The following CFAP20DC variants were observed in gnomAD, a reference collection of about 807,000 sequenced individuals.
The protein encoded by CFAP20DC is protein CFAP20DC.
CFAP20DC carries 84 observed loss-of-function variants against 101.7 expected under a neutral mutation model. That is an observed-to-expected ratio of 0.83 (90% CI 0.69 to 0.99). The LOEUF is 0.99. CFAP20DC is among the 50% of genes least tolerant of loss of function. The probability of loss-of-function intolerance (pLI) is 0.00; values close to 1 mark genes in which losing one functional copy is unlikely to be tolerated. For synonymous variants in CFAP20DC, 359 were observed against 351.2 expected (o/e 1.02, Z -0.25); for missense variants, 1,007 against 970.3 (o/e 1.04, Z -0.50).
chr3:59,048,434 G>T (rs1399418737), intron 1 of CFAP20DC, among the ~76,000 whole-genome samples: 1 of 152,166 alleles, frequency 6.6e-6, no homozygotes, highest in Non-Finnish European at 1.5e-5. Context: ...ATTTCACTAT[G>T]AATTTAAATT....
At chr3:58,890,883 C>A (rs1372638688) in intron 6 of CFAP20DC, among the ~76,000 whole-genome samples, 4 of 148,152 alleles carry the variant, frequency 2.7e-5, no homozygotes, top group South Asian at 2.2e-4. Context: ...TGGGAAGAGG[C>A]GCTCCTCACT....
chr3:58,954,480 G>C (rs775495722), intron 4 of CFAP20DC, among the ~76,000 whole-genome samples: 1 of 152,110 alleles, frequency 6.6e-6, no homozygotes, highest in Non-Finnish European at 1.5e-5. Flanking sequence ...TTCAGTGATG[G>C]TATCAAATAG....
intron 6 of CFAP20DC, among the ~76,000 whole-genome samples, chr3:58,904,848 C>T (rs1240640183): frequency 3.9e-5 from 6 of 152,086 alleles, no homozygotes; most frequent in Admixed American, 2.6e-4. Context: ...CTAGATTCTC[C>T]GTGGCTTCTG....
intron 8 of CFAP20DC, 158 bp downstream of exon 8, chr3:58,870,015 G>C: frequency 1.6e-6 from 1 of 633,280 alleles, no homozygotes; most frequent in East Asian, 2.8e-5. Flanking sequence ...CAGAATTTCT[G>C]TTCCAAATTT....
rs2071521460 is a variant in CFAP20DC at position 58,778,315 on chromosome 3, C to T, written c.2238-24452G>A. On this transcript the variant is annotated intron_variant, in intron 15 of 16. Coordinates refer to ENST00000482387, the MANE Select transcript of CFAP20DC (RefSeq NM_001394063.1). ...GGCTTTACAACCCCAGGTACCTGAG[C>T]ACACTGTCTAGGGGGCTGGGAATCA... Among the ~76,000 whole-genome samples the T allele has an allele frequency of 3.3e-5, 5 of 152,178 alleles. No individual in the cohort carries two copies. In the South Asian group the frequency reaches 1.0e-3, roughly 31 times the overall value.
At chr3:59,022,980 T>C (rs1017416834) in intron 4 of CFAP20DC, among the ~76,000 whole-genome samples, 2 of 152,096 alleles carry the variant, frequency 1.3e-5, no homozygotes, top group Non-Finnish European at 2.9e-5. Flanking sequence ...TACATATTCT[T>C]TAATATAGTT....
chr3:58,764,649 C>T (rs538612837), intron 15 of CFAP20DC, among the ~76,000 whole-genome samples: 8 of 152,270 alleles, frequency 5.3e-5, no homozygotes, highest in South Asian at 4.1e-4. Flanking sequence ...TGTTCCTATT[C>T]GGCCATCTTG....
At chr3:58,719,279 T>G (rs1416677682) in intron 3 of CFAP20DC, among the ~76,000 whole-genome samples, 3 of 152,162 alleles carry the variant, frequency 2.0e-5, no homozygotes, top group Non-Finnish European at 4.4e-5. Context: ...ACTGTTTCCC[T>G]GATGCAAGCT....
At chr3:58,891,182 G>A (rs2082210597) in intron 6 of CFAP20DC, among the ~76,000 whole-genome samples, 1 of 152,064 alleles carries the variant, frequency 6.6e-6, no homozygotes, top group Non-Finnish European at 1.5e-5. Context: ...CGGCACCTTG[G>A]GAGGCCGAGG....
chr3:59,012,550 C>A (rs958742336), intron 4 of CFAP20DC, among the ~76,000 whole-genome samples: 1 of 152,174 alleles, frequency 6.6e-6, no homozygotes, highest in African/African-American at 2.4e-5. Flanking sequence ...CTGGACAAGG[C>A]TATTGGAGCC....
rs1300888781 is a variant in CFAP20DC, at chr3:59,015,156, G to C, written c.278+24401C>G. Among the ~76,000 whole-genome samples the C allele has an allele frequency of 2.6e-5, 4 of 152,026 alleles. No homozygotes were observed. Among genetic ancestry groups the C allele is most frequent in the African/African-American group, 9.7e-5 (4 of 41,388 alleles). On this transcript the variant is annotated intron_variant, in intron 4 of 16. Coordinates refer to ENST00000482387, the MANE Select transcript of CFAP20DC (RefSeq NM_001394063.1). This position sits in a 1 kb window ranked among gnomAD's most constrained non-coding sequence, Gnocchi z 5.4. The stretch of plus-strand genomic sequence containing the variant: ...GCGGGAGGAGGCAGGCTTGGACCCT[G>C]AATAATCCTGCAGGTGCCTTGGGTG...
intron 4 of CFAP20DC, among the ~76,000 whole-genome samples, chr3:58,993,457 C>T (rs1474710994): frequency 1.3e-5 from 2 of 151,856 alleles, no homozygotes; most frequent in Non-Finnish European, 2.9e-5. Context: ...TCAGGGGTAC[C>T]TGTGCAGAGT....
chr3:59,023,243 A>G (rs2093835543), intron 4 of CFAP20DC, among the ~76,000 whole-genome samples: 1 of 152,058 alleles, frequency 6.6e-6, no homozygotes, highest in African/African-American at 2.4e-5. Context: ...ACAATACAAA[A>G]TAACAAGCAC....
rs1347410974 is a variant in CFAP20DC, at chr3:58,894,378, T to C, written c.551-9669A>G. 1.3e-5 allele frequency among the ~76,000 whole-genome samples: 2 copies of C among 152,184 alleles called. No individual in the cohort carries two copies. Among genetic ancestry groups the C allele is most frequent in the Admixed American group, 1.3e-4 (2 of 15,280 alleles). On this transcript the variant is annotated intron_variant, in intron 6 of 16. Transcript: ENST00000482387. This position sits in a 1 kb window ranked among gnomAD's most constrained non-coding sequence, Gnocchi z 4.1. ...GATACAACAGGGGTACAGGTACCTA[T>C]TCCAAATGAGAGAAATTGGCAAAAA... is the stretch of plus-strand genomic sequence containing the variant.
At chr3:58,949,871 T>C (rs1186037810) in intron 4 of CFAP20DC, among the ~76,000 whole-genome samples, 5 of 152,184 alleles carry the variant, frequency 3.3e-5, no homozygotes, top group African/African-American at 1.2e-4. Context: ...AAGACAGGGA[T>C]GCCCTCTCTC....
intron 15 of CFAP20DC, among the ~76,000 whole-genome samples, chr3:58,764,365 G>A (rs1029647645): frequency 6.6e-5 from 10 of 152,158 alleles, no homozygotes; most frequent in African/African-American, 9.7e-5. Flanking sequence ...CTGGTGTGCC[G>A]TTTGCTAAGA....
rs1476665402 is a variant in CFAP20DC, at chr3:59,026,520, G to T, written c.278+13037C>A. On this transcript the variant is annotated intron_variant, in intron 4 of 16. Coordinates refer to ENST00000482387, the MANE Select transcript of CFAP20DC (RefSeq NM_001394063.1). ...GCAAATTTTCCACAGGAAGAGTTGT[G>T]CATAGTTACATGGATACAATCTCAA... Among the ~76,000 whole-genome samples, 3 of 152,174 alleles carry T rather than the reference G, an allele frequency of 2.0e-5. No homozygotes were observed. In the East Asian group the frequency reaches 5.8e-4, roughly 29 times the overall value.
Position 58,863,511 on chromosome 3 carries a change from A to G in CFAP20DC, c.1593+47T>C. The G allele has an allele frequency of 6.2e-7, 1 of 1,604,358 alleles. No individual in the cohort carries two copies. Among genetic ancestry groups the G allele is most frequent in the Non-Finnish European group, 8.5e-7 (1 of 1,176,240 alleles). ...CTTGTTTTAGTGCTTATTGGAGCTAAGGAAACAACTGTGCTTCAAGACTAC... is the reference window on the plus strand; with the variant it reads ...CTTGTTTTAGTGCTTATTGGAGCTAGGGAAACAACTGTGCTTCAAGACTAC... On this transcript the variant is annotated intron_variant, in intron 12 of 16. Coordinates refer to ENST00000482387, the MANE Select transcript of CFAP20DC (RefSeq NM_001394063.1). The surrounding 1 kb of genome is among the most constrained non-coding windows in gnomAD (Gnocchi z 5.9).
chr3:58,854,368 C>T (rs2078557299), intron 12 of CFAP20DC, among the ~76,000 whole-genome samples: 1 of 151,042 alleles, frequency 6.6e-6, no homozygotes, highest in Admixed American at 6.6e-5. Flanking sequence ...ATTCCATGCT[C>T]ATGGGTAGGA....
Sources: allele counts gnomAD v4.1 joint callset (sites outside exome capture counted in the v4.1 genomes callset), GRCh38; gene constraint gnomAD v4.1.1; non-coding constraint Gnocchi (gnomAD v3.1); transcripts MANE v1.5; gene names NCBI Gene and HGNC (gene_info 2026-07-23, HGNC 2026-07-21).